The following LASP1 variants were observed in gnomAD, a reference collection of about 807,000 sequenced individuals.
The protein encoded by LASP1 is LIM and SH3 domain protein 1.
A neutral mutation model predicts 38.6 loss-of-function variants in LASP1; 10 were observed. The observed-to-expected ratio is 0.26, with a 90% CI of 0.16 to 0.44. The LOEUF (loss-of-function observed/expected upper bound fraction) is 0.44, where lower values mean the gene tolerates loss of function less well. Among genes scored for constraint, LASP1 ranks in the 20% least tolerant of loss-of-function variants. The probability of loss-of-function intolerance (pLI) is 1.00; values close to 1 mark genes in which losing one functional copy is unlikely to be tolerated. For missense variants in LASP1, 243 were observed against 375.7 expected, an observed-to-expected ratio of 0.65 and a Z score of 2.92; for synonymous variants, 132 against 140.8, an observed-to-expected ratio of 0.94 and a Z score of 0.44.
Position 38,919,647 on chromosome 17 carries a change from C to T in LASP1, c.*869C>T, listed in dbSNP as rs1299737411. 3 of 327,350 alleles carry T rather than the reference C, an allele frequency of 9.2e-6. No homozygotes were observed. The highest frequency in any genetic ancestry group is 6.1e-5 in the African/African-American group (3 of 49,306). 20.3% of individuals were successfully genotyped at this position (327,350 alleles called of 1,614,324 possible). A position where few individuals can be genotyped will look rare whatever the true frequency, so the allele number is the denominator to read the frequency against. ...AGTGTAGGGCAAGGGTGCCTCAGGA[C>T]CTTTTGGTCTTCAGCCTCCCTCAGC... On this transcript the variant is annotated 3_prime_UTR_variant, in exon 7 of 7. Transcript: ENST00000318008.
At chr17:38,870,830 G>T (rs1245540197) in intron 1 of LASP1, among the ~76,000 whole-genome samples, 2 of 152,172 alleles carry the variant, frequency 1.3e-5, no homozygotes, top group Non-Finnish European at 2.9e-5. Flanking sequence ...GGGCTCTGCC[G>T]CAAGAGCCCC....
Position 38,878,150 on chromosome 17 carries a change from A to T in LASP1, c.134A>T (p.Lys45Met). 1.2e-6 allele frequency: 2 copies of T among 1,613,708 alleles called. No individual in the cohort carries two copies. The highest frequency in any genetic ancestry group is 1.1e-5 in the South Asian group (1 of 90,994). Residue 45 changes from lysine to methionine, a missense_variant, in exon 2 of 7, where the codon AAG (lysine) becomes ATG (methionine). Lys to Met is a moderately conservative substitution (Grantham distance 95, BLOSUM62 -1). Around this residue, in one of 4 missense-constraint regions of LASP1, gnomAD observed 43 missense variants for 108.3 expected, o/e 0.40. Coordinates refer to ENST00000318008, the MANE Select transcript of LASP1 (RefSeq NM_006148.4). ...CKMTLNMKNYKGYEKKPYCNA... is the reference protein window; with the variant it reads ...CKMTLNMKNYMGYEKKPYCNA... ...ATGACACTGAACATGAAGAACTACA[A>T]GGGCTACGAGAAGAAGCCCTACTGC...
intron 4 of LASP1, among the ~76,000 whole-genome samples, chr17:38,902,806 G>C (rs1914680795): frequency 6.6e-6 from 1 of 152,122 alleles, no homozygotes; most frequent in African/African-American, 2.4e-5. Flanking sequence ...GGGTTGAAGC[G>C]ATTCTTCTGC....
chr17:38,897,896 G>T (rs569302756), intron 3 of LASP1, among the ~76,000 whole-genome samples: 3 of 152,330 alleles, frequency 2.0e-5, no homozygotes, highest in African/African-American at 7.2e-5. Context: ...TAGTGGGCAG[G>T]GCCACATCCT....
intron 2 of LASP1, among the ~76,000 whole-genome samples, chr17:38,886,280 A>AGGGCTGG (rs942445399): frequency 2.0e-5 from 3 of 150,610 alleles, no homozygotes; most frequent in Admixed American, 6.6e-5. Flanking sequence ...TCGTCTCGCC[A>AGGGCTGG]GGGCTGGGGG....
chr17:38,873,461 C>T, intron 1 of LASP1, among the ~76,000 whole-genome samples: 1 of 152,228 alleles, frequency 6.6e-6, no homozygotes, highest in East Asian at 1.9e-4. Flanking sequence ...ATCTCCCTCT[C>T]TTAGAGCTGA....
chr17:38,900,681 C>A (rs975531184), intron 4 of LASP1, among the ~76,000 whole-genome samples: 27 of 151,824 alleles, frequency 1.8e-4, no homozygotes, highest in African/African-American at 6.0e-4. Flanking sequence ...CAAAAAAAAA[C>A]CAAAAAGATG....
intron 4 of LASP1, among the ~76,000 whole-genome samples, chr17:38,910,453 C>T (rs1018819421): frequency 6.6e-6 from 1 of 150,376 alleles, no homozygotes; most frequent in Non-Finnish European, 1.5e-5. Context: ...GTTCTTCTTC[C>T]CCCCCTCCAC....
Position 38,919,522 on chromosome 17 carries a change from A to AG in LASP1, c.*748dup, listed in dbSNP as rs1915237292. On this transcript the variant is annotated 3_prime_UTR_variant, in exon 7 of 7. Coordinates refer to ENST00000318008, the MANE Select transcript of LASP1 (RefSeq NM_006148.4). ...AATTTTAGGGACAGCTACCGGAAGG[A>AG]GGGGAACAAGGAGTTCTCTTCCGCA... is the stretch of plus-strand genomic sequence containing the variant. The AG allele has an allele frequency of 1.2e-5, 3 of 244,366 alleles. No homozygotes were observed. The highest frequency in any genetic ancestry group is 2.4e-5 in the Non-Finnish European group (3 of 123,698). The allele number at this position is 244,366 out of a possible 1,614,324, so 15.1% of individuals were successfully genotyped here. A position where few individuals can be genotyped will look rare whatever the true frequency, so the allele number is the denominator to read the frequency against.
intron 4 of LASP1, among the ~76,000 whole-genome samples, chr17:38,902,935 T>C (rs936029891): frequency 6.6e-6 from 1 of 152,154 alleles, no homozygotes; most frequent in Non-Finnish European, 1.5e-5. Context: ...ACTCCTGACC[T>C]CAGGTGATCC....
intron 3 of LASP1, among the ~76,000 whole-genome samples, chr17:38,893,871 C>T (rs1025247142): frequency 5.3e-5 from 8 of 152,240 alleles, no homozygotes; most frequent in Non-Finnish European, 1.2e-4. Flanking sequence ...GGGGGAGCCT[C>T]TTCTGCTCAC....
rs941220699 is a variant in LASP1, at chr17:38,919,942, T to C, written c.*1164T>C. The C allele has an allele frequency of 7.5e-6, 4 of 532,278 alleles. No homozygotes were observed. The highest frequency in any genetic ancestry group is 2.2e-5 in the Admixed American group (1 of 44,880). 33.0% of individuals were successfully genotyped at this position (532,278 alleles called of 1,614,324 possible). A position where few individuals can be genotyped will look rare whatever the true frequency, so the allele number is the denominator to read the frequency against. On this transcript the variant is annotated 3_prime_UTR_variant, in exon 7 of 7. Coordinates refer to ENST00000318008, the MANE Select transcript of LASP1 (RefSeq NM_006148.4). The stretch of plus-strand genomic sequence containing the variant: ...TCTCTGGGCCTGTGTGTGGGTGGGG[T>C]TATGTGAGGGTATGAAGAGCTGTCT...
chr17:38,902,097 C>T (rs559210110), intron 4 of LASP1, among the ~76,000 whole-genome samples: 39 of 151,002 alleles, frequency 2.6e-4, no homozygotes, highest in Non-Finnish European at 4.6e-4. Flanking sequence ...GGTTTCGCTC[C>T]GTCATCCGGG....
intron 4 of LASP1, among the ~76,000 whole-genome samples, chr17:38,911,200 C>A (rs1914931225): frequency 6.6e-6 from 1 of 152,172 alleles, no homozygotes; most frequent in Non-Finnish European, 1.5e-5. Flanking sequence ...ACACCACCCG[C>A]CAACAGCACA....
intron 4 of LASP1, among the ~76,000 whole-genome samples, chr17:38,908,149 C>G (rs1390889473): frequency 6.6e-6 from 1 of 152,210 alleles, no homozygotes; most frequent in Non-Finnish European, 1.5e-5. Context: ...ATCTGGGCCC[C>G]CAACATCAAG....
At chr17:38,877,293 A>G (rs1913810299) in intron 1 of LASP1, among the ~76,000 whole-genome samples, 1 of 152,224 alleles carries the variant, frequency 6.6e-6, no homozygotes. Flanking sequence ...GGCCCCGCCC[A>G]AGGCCATACA....
At chr17:38,876,179 T>C (rs1444798017) in intron 1 of LASP1, among the ~76,000 whole-genome samples, 1 of 146,026 alleles carries the variant, frequency 6.8e-6, no homozygotes, top group Non-Finnish European at 1.5e-5. Flanking sequence ...CGTTTCTCTT[T>C]TTTTTTTTTT....
At chr17:38,888,373 G>A (rs986262748) in intron 2 of LASP1, among the ~76,000 whole-genome samples, 2 of 152,034 alleles carry the variant, frequency 1.3e-5, no homozygotes, top group African/African-American at 2.4e-5. Flanking sequence ...CACCTCCCAG[G>A]TTCAAGTGAT....
At chr17:38,901,817 G>C (rs952211926) in intron 4 of LASP1, among the ~76,000 whole-genome samples, 1 of 152,012 alleles carries the variant, frequency 6.6e-6, no homozygotes, top group Non-Finnish European at 1.5e-5. Context: ...CCAGGCTGGA[G>C]TGCAGTGGCG....
Sources: gnomAD v4.1 joint callset for allele counts (sites outside exome capture counted in the v4.1 genomes callset) on GRCh38, gnomAD v4.1.1 for gene constraint, gnomAD v4.1.1 regional missense constraint, MANE v1.5 for transcripts, NCBI Gene and HGNC (gene_info 2026-07-23, HGNC 2026-07-21) for gene names.